The following KDM4A variants were observed in gnomAD, a reference collection of about 807,000 sequenced individuals.
The protein encoded by KDM4A is lysine-specific demethylase 4A.
In KDM4A, 23 loss-of-function variants were observed where a neutral mutation model predicts 127.1. The observed-to-expected ratio is 0.18, with a 90% confidence interval of 0.13 to 0.26. KDM4A has a LOEUF of 0.26. KDM4A is among the 10% of genes least tolerant of loss of function. KDM4A has a pLI of 1.00. For missense variants in KDM4A, 890 were observed against 1,329.1 expected, an observed-to-expected ratio of 0.67 and a Z score of 5.14; for synonymous variants, 443 against 466.5, an observed-to-expected ratio of 0.95 and a Z score of 0.65.
At chr1:43,657,623 C>T (rs781490191) in intron 3 of KDM4A, among the ~76,000 whole-genome samples, 1 of 152,162 alleles carries the variant, frequency 6.6e-6, no homozygotes, top group Non-Finnish European at 1.5e-5. Context: ...TTCCTGCCAT[C>T]CTTATTGTCT....
In KDM4A at chr1:43,669,172, T is replaced by C. The variant is rs998225642; in HGVS notation, c.1236T>C (p.Ser412=). ...AAATACCACAGGAGGTGAGTCAGAG[T>C]GAGCTCTTCCCCAAGGAGGATCTGA... ...CLEIPQEVSQ[S]ELFPKEDLSS... The change falls in exon 10 of 22, where the codon AGT becomes AGC. Residue 412 remains serine (S), a synonymous_variant. Transcript: ENST00000372396. 5.0e-6 allele frequency: 8 copies of C among 1,614,078 alleles called. No individual in the cohort carries two copies. The Admixed American group carries it at 8.3e-5, about 17-fold the overall frequency.
Position 43,688,851 on chromosome 1 carries a change from C to A in KDM4A, c.1856-63C>A. 1 of 1,466,936 alleles carries A rather than the reference C, an allele frequency of 6.8e-7. No individual in the cohort carries two copies. The highest frequency in any genetic ancestry group is 1.2e-5 in the South Asian group (1 of 83,056). The allele number at this position is 1,466,936 out of a possible 1,614,324, so 90.9% of individuals were successfully genotyped here. A position where few individuals can be genotyped will look rare whatever the true frequency, so the allele number is the denominator to read the frequency against. On this transcript the variant is annotated intron_variant, in intron 12 of 21. Transcript: ENST00000372396. This position sits in a 1 kb window ranked among gnomAD's most constrained non-coding sequence, Gnocchi z 4.4. ...GGAGTCCTAGTGGAACTCATCTGTT[C>A]TCCAGGCAGAGCCACAGATGTGCAG...
chr1:43,697,410 C>A (rs1402564930), intron 18 of KDM4A, among the ~76,000 whole-genome samples: 1 of 152,214 alleles, frequency 6.6e-6, no homozygotes, highest in East Asian at 1.9e-4. Context: ...AGTCTTTGTG[C>A]CCTAGCCCTG....
intron 13 of KDM4A, 122 bp from the exon 14 acceptor site, chr1:43,690,723 A>C: frequency 9.1e-6 from 8 of 874,382 alleles, no homozygotes; most frequent in Non-Finnish European, 1.6e-5. Context: ...ATGGCTGTGC[A>C]CCCGGGAGCT....
At chr1:43,684,227 G>A (rs373455938) in intron 12 of KDM4A, among the ~76,000 whole-genome samples, 2 of 152,188 alleles carry the variant, frequency 1.3e-5, no homozygotes, top group South Asian at 2.1e-4. Context: ...AGAGGTGGCC[G>A]GGTGTGGTGG....
chr1:43,680,441 T>C (rs1660831549), intron 11 of KDM4A, among the ~76,000 whole-genome samples: 1 of 152,172 alleles, frequency 6.6e-6, no homozygotes, highest in Non-Finnish European at 1.5e-5. Context: ...GGAACTTGGA[T>C]CTTAGGTACC....
At position 43,693,232 on chromosome 1, in the gene KDM4A, G is replaced by A. The variant is rs1426147595; in HGVS notation, c.2376-762G>A. ...ACCTTTACCTCTGAATGCCTGTTCT[G>A]CCCTCCAGGGCCACACAGAACAAAT... On this transcript the variant is annotated intron_variant, in intron 16 of 21. Coordinates refer to ENST00000372396, the MANE Select transcript of KDM4A (RefSeq NM_014663.3). The surrounding 1 kb of genome is among the most constrained non-coding windows in gnomAD (Gnocchi z 4.2). Among the ~76,000 whole-genome samples, 1 of 152,182 alleles carries A rather than the reference G, an allele frequency of 6.6e-6. No homozygotes were observed. The highest frequency in any genetic ancestry group is 1.5e-5 in the Non-Finnish European group (1 of 68,050).
intron 19 of KDM4A, chr1:43,702,797 G>C (rs946595620): frequency 3.9e-5 from 6 of 152,104 alleles, no homozygotes; most frequent in Non-Finnish European, 8.8e-5. Flanking sequence ...TTGGCAAGCC[G>C]AGGCAGGCAG....
In KDM4A at chr1:43,665,735, C is replaced by T; in HGVS notation, c.663C>T (p.Arg221=). The change falls in exon 6 of 22, where the codon CGC becomes CGT. Residue 221 remains arginine, a synonymous_variant. Transcript: ENST00000372396. The stretch of plus-strand genomic sequence containing the variant: ...CTGAGCATGGAAAGCGGTTGGAACG[C>T]CTCGCCAAAGGTACTGTGTCTCTTC... ...VPPEHGKRLE[R]LAKGFFPGSA... 1 of 1,614,092 alleles carries T rather than the reference C, an allele frequency of 6.2e-7. No individual in the cohort carries two copies. The highest frequency in any genetic ancestry group is 1.6e-4 in the Middle Eastern group (1 of 6,062).
chr1:43,652,748 C>A (rs1426444691), intron 1 of KDM4A, among the ~76,000 whole-genome samples: 1 of 144,610 alleles, frequency 6.9e-6, no homozygotes, highest in Middle Eastern at 3.5e-3. Context: ...ATGGCGCAAT[C>A]TTGGCTCACT....
chr1:43,703,414 C>A, intron 19 of KDM4A: 11 of 341,870 alleles, frequency 3.2e-5, no homozygotes, highest in East Asian at 5.0e-5. Context: ...TTTTTTTGGT[C>A]ACCTAGAAGC....
At chr1:43,701,517 C>G (rs1307658240) in intron 19 of KDM4A, among the ~76,000 whole-genome samples, 2 of 152,112 alleles carry the variant, frequency 1.3e-5, no homozygotes, top group Non-Finnish European at 2.9e-5. Context: ...AGACAGGGTC[C>G]TGCTCTGTTG....
Position 43,677,102 on chromosome 1 carries a change from C to T in KDM4A, c.1734+5227C>T, listed in dbSNP as rs150395278. 6.0e-3 allele frequency among the ~76,000 whole-genome samples: 908 copies of T among 152,148 alleles called. 10 individuals carry two copies. Among genetic ancestry groups the T allele is most frequent in the African/African-American group, 0.021 (870 of 41,498 alleles). ...GGCTCACACCTGTAATCCCAGCACT[C>T]TGGGAGGCCGAGGGGGTGGATCATC... On this transcript the variant is annotated intron_variant, in intron 11 of 21. Transcript: ENST00000372396.
intron 1 of KDM4A, chr1:43,650,735 C>G (rs1259133447): frequency 1.3e-5 from 2 of 152,326 alleles, no homozygotes; most frequent in Non-Finnish European, 2.9e-5. Flanking sequence ...TCACAGCGAC[C>G]CTGCAGGGCA....
intron 21 of KDM4A, 28 bp from the exon 22 acceptor site, chr1:43,704,202 G>A: frequency 6.2e-7 from 1 of 1,613,888 alleles, no homozygotes; most frequent in Admixed American, 1.7e-5. Context: ...TGGGGTAGCT[G>A]ACACTTGGCT....
chr1:43,669,622 G>A (rs1178082411), intron 10 of KDM4A, among the ~76,000 whole-genome samples: 1 of 152,056 alleles, frequency 6.6e-6, no homozygotes, highest in Non-Finnish European at 1.5e-5. Flanking sequence ...CAGATGGGAG[G>A]AGCAGGGCAC....
intron 15 of KDM4A, 27 bp from the exon 16 acceptor site, chr1:43,692,229 T>C: frequency 6.2e-7 from 1 of 1,611,656 alleles, no homozygotes; most frequent in Non-Finnish European, 8.5e-7. Context: ...TATTAACCAC[T>C]TTTTCCTCCC....
chr1:43,691,105 TG>T (rs1019567224), intron 14 of KDM4A, 56 bp downstream of exon 14: 1 of 1,564,672 alleles, frequency 6.4e-7, no homozygotes, highest in Non-Finnish European at 8.8e-7. Flanking sequence ...GCCTGCTCAC[TG>T]GAAGTTCTTG....
At position 43,661,475 on chromosome 1, in the gene KDM4A, G is replaced by A. The variant is rs192952406; in HGVS notation, c.429+1063G>A. ...TAAAAAAAAAGTAGCCTGCAGTAGC[G>A]GGCGCCTGTAGTCCCAGCTACTCTG... On this transcript the variant is annotated intron_variant, in intron 4 of 21. Transcript: ENST00000372396. 3.1e-3 allele frequency among the ~76,000 whole-genome samples: 476 copies of A among 151,422 alleles called. 12 individuals carry two copies. Among genetic ancestry groups the A allele is most frequent in the Admixed American group, 0.028 (431 of 15,198 alleles).
Sources: gnomAD v4.1 joint callset for allele counts (sites outside exome capture counted in the v4.1 genomes callset) on GRCh38, gnomAD v4.1.1 for gene constraint, Gnocchi (gnomAD v3.1) non-coding constraint, MANE v1.5 for transcripts, NCBI Gene and HGNC (gene_info 2026-07-23, HGNC 2026-07-21) for gene names.